Variants in LHFPL3 observed in about 807,000 individuals in gnomAD.
The protein encoded by LHFPL3 is LHFPL tetraspan subfamily member 3 protein.
LHFPL3 carries 5 observed loss-of-function variants against 19.3 expected under a neutral mutation model. That is an observed-to-expected ratio of 0.26 (90% CI 0.14 to 0.54). LHFPL3 has a LOEUF of 0.54. Ranked by LOEUF, LHFPL3 falls within the 20% of genes least tolerant of loss-of-function variation. The pLI is 0.94. For synonymous variants in LHFPL3, 133 were observed against 126.2 expected, an observed-to-expected ratio of 1.05 and a Z score of -0.36; for missense variants, 249 against 307.4, an observed-to-expected ratio of 0.81 and a Z score of 1.42.
intron 1 of LHFPL3, among the ~76,000 whole-genome samples, chr7:104,349,092 A>G (rs1445867035): frequency 6.6e-6 from 1 of 152,276 alleles, no homozygotes; most frequent in Non-Finnish European, 1.5e-5. Flanking sequence ...AGACAAAAAC[A>G]CAAGACATTT....
At chr7:104,346,191 A>G (rs1290880198) in intron 1 of LHFPL3, among the ~76,000 whole-genome samples, 1 of 151,862 alleles carries the variant, frequency 6.6e-6, no homozygotes, top group Non-Finnish European at 1.5e-5. Context: ...ACGTGCTACC[A>G]TGCCTGGCTA....
At chr7:104,470,087 G>A (rs1472697210) in intron 1 of LHFPL3, 1 of 455,870 alleles carries the variant, frequency 2.2e-6, no homozygotes, top group Non-Finnish European at 4.4e-6. Flanking sequence ...GTAGTGAGAG[G>A]TCATAGAATG....
intron 1 of LHFPL3, among the ~76,000 whole-genome samples, chr7:104,338,093 CTTTTTTTTTTT>C (rs71296520): frequency 1.3e-3 from 110 of 85,848 alleles, no homozygotes; most frequent in Non-Finnish European, 2.0e-3. Context: ...TTTCCTTTTT[CTTTTTTTTTTT>C]TTTTTTTTTT....
intron 1 of LHFPL3, among the ~76,000 whole-genome samples, chr7:104,672,854 C>T (rs1475677141): frequency 2.0e-5 from 3 of 152,100 alleles, no homozygotes; most frequent in Non-Finnish European, 2.9e-5. Flanking sequence ...CTTCATGTTG[C>T]TGCCATGCTC....
At chr7:104,484,793 C>T (rs1793206670) in intron 1 of LHFPL3, among the ~76,000 whole-genome samples, 1 of 152,150 alleles carries the variant, frequency 6.6e-6, no homozygotes, top group African/African-American at 2.4e-5. Context: ...GACAGAGAGA[C>T]AGGAAGGGGG....
intron 2 of LHFPL3, among the ~76,000 whole-genome samples, chr7:104,749,387 A>G (rs899557415): frequency 2.0e-5 from 3 of 152,274 alleles, no homozygotes; most frequent in Admixed American, 2.0e-4. Context: ...TCGACCTACA[A>G]AAGTCTGACA....
At chr7:104,752,559 T>C (rs1340663586) in intron 2 of LHFPL3, among the ~76,000 whole-genome samples, 4 of 147,524 alleles carry the variant, frequency 2.7e-5, no homozygotes, top group African/African-American at 1.0e-4. Flanking sequence ...TGTTCTATTA[T>C]TTGAAATAGC....
chr7:104,633,378 C>G (rs1791677486), intron 1 of LHFPL3, among the ~76,000 whole-genome samples: 1 of 152,146 alleles, frequency 6.6e-6, no homozygotes, highest in African/African-American at 2.4e-5. Flanking sequence ...TATTTCTACT[C>G]AAGTGGCTGA....
intron 1 of LHFPL3, among the ~76,000 whole-genome samples, chr7:104,693,671 G>C (rs1792945952): frequency 1.3e-5 from 2 of 151,498 alleles, no homozygotes; most frequent in South Asian, 4.2e-4. Flanking sequence ...GAGGAACTGT[G>C]AGTCAATTAA....
intron 1 of LHFPL3, among the ~76,000 whole-genome samples, chr7:104,338,915 T>TA (rs1281497807): frequency 7.2e-4 from 110 of 152,234 alleles, no homozygotes; most frequent in Non-Finnish European, 7.4e-5. Flanking sequence ...GGACAGATAT[T>TA]AAAAATCACT....
At chr7:104,813,194 C>G (rs1216531322) in intron 2 of LHFPL3, among the ~76,000 whole-genome samples, 1 of 152,082 alleles carries the variant, frequency 6.6e-6, no homozygotes, top group Non-Finnish European at 1.5e-5. Context: ...GGGAGGATCA[C>G]TTGAGCCCAG....
At chr7:104,844,213 C>T (rs1052533474) in intron 2 of LHFPL3, among the ~76,000 whole-genome samples, 1 of 152,240 alleles carries the variant, frequency 6.6e-6, no homozygotes, top group African/African-American at 2.4e-5. Flanking sequence ...TTGGTATTTA[C>T]ACCACCACCC....
intron 1 of LHFPL3, among the ~76,000 whole-genome samples, chr7:104,480,443 G>A (rs1241725617): frequency 6.6e-6 from 1 of 152,060 alleles, no homozygotes; most frequent in African/African-American, 2.4e-5. Flanking sequence ...GAAAATCATA[G>A]AGAAAATTCC....
intron 2 of LHFPL3, among the ~76,000 whole-genome samples, chr7:104,823,732 G>A (rs1161057840): frequency 2.6e-5 from 4 of 152,050 alleles, no homozygotes; most frequent in South Asian, 2.1e-4. Flanking sequence ...TCAATTTCTC[G>A]CTCCGCTTCA....
At chr7:104,383,504 G>A (rs2116456081) in intron 1 of LHFPL3, among the ~76,000 whole-genome samples, 1 of 152,314 alleles carries the variant, frequency 6.6e-6, no homozygotes, top group African/African-American at 2.4e-5. Flanking sequence ...TTTGCCCTGA[G>A]ATATTAGCAT....
At chr7:104,785,204 C>T (rs1289514769) in intron 2 of LHFPL3, 5 of 152,200 alleles carry the variant, frequency 3.3e-5, no homozygotes, top group Non-Finnish European at 5.9e-5. Flanking sequence ...TTCCCTCCCC[C>T]TCTTCTCTCA....
intron 1 of LHFPL3, among the ~76,000 whole-genome samples, chr7:104,569,263 T>C (rs886102244): frequency 1.3e-5 from 2 of 152,240 alleles, no homozygotes; most frequent in Admixed American, 1.3e-4. Context: ...TTTTTATGAC[T>C]GTGTCCTATT....
At chr7:104,537,948 C>G (rs556450919) in intron 1 of LHFPL3, among the ~76,000 whole-genome samples, 17 of 152,272 alleles carry the variant, frequency 1.1e-4, no homozygotes, top group African/African-American at 3.9e-4. Flanking sequence ...CTGACCACCT[C>G]AACGGGCTAT....
chr7:104,603,911 C>T (rs535007204), intron 1 of LHFPL3, among the ~76,000 whole-genome samples: 11 of 152,348 alleles, frequency 7.2e-5, no homozygotes, highest in Non-Finnish European at 1.5e-4. Flanking sequence ...GCTGAGTTTA[C>T]TCTACCCAGT....
Sources: gnomAD v4.1 joint callset for allele counts (sites outside exome capture counted in the v4.1 genomes callset) on GRCh38, gnomAD v4.1.1 for gene constraint, MANE v1.5 for transcripts, NCBI Gene and HGNC (gene_info 2026-07-23, HGNC 2026-07-21) for gene names.